JDP2: variants seen among roughly 807,000 people sequenced by gnomAD.
JDP2 encodes the protein progesterone receptor co-activator.
Under a neutral mutation model 17.1 loss-of-function variants are expected in JDP2, and 9 were observed. That is an observed-to-expected ratio of 0.53 (90% CI 0.32 to 0.92). The LOEUF (loss-of-function observed/expected upper bound fraction) is 0.92, where lower values mean the gene tolerates loss of function less well. Among genes scored for constraint, JDP2 ranks in the 40% least tolerant of loss-of-function variants. The probability of loss-of-function intolerance (pLI) is 0.04; values close to 1 mark genes in which losing one functional copy is unlikely to be tolerated. For synonymous variants in JDP2, 107 were observed against 95.6 expected (o/e 1.12, Z -0.69); for missense variants, 179 against 220.0 (o/e 0.81, Z 1.18).
intron 1 of JDP2, among the ~76,000 whole-genome samples, chr14:75,431,392 G>A (rs562249094): frequency 6.6e-5 from 10 of 152,320 alleles, no homozygotes; most frequent in African/African-American, 2.4e-4. Flanking sequence ...AGGGATCACG[G>A]CTGCCAGTGT....
chr14:75,432,364 G>A (rs980853421), intron 1 of JDP2: 2 of 1,550,186 alleles, frequency 1.3e-6, no homozygotes, highest in Admixed American at 3.9e-5. Context: ...CCCTGGCCTG[G>A]CACCTTTCTG....
chr14:75,435,826 C>A (rs1385781733), intron 1 of JDP2, among the ~76,000 whole-genome samples: 1 of 151,996 alleles, frequency 6.6e-6, no homozygotes, highest in African/African-American at 2.4e-5. Flanking sequence ...GCTAAGAGGA[C>A]CGGGTATGGG....
chr14:75,433,596 C>G (rs1884922097), intron 1 of JDP2, among the ~76,000 whole-genome samples: 1 of 150,066 alleles, frequency 6.7e-6, no homozygotes, highest in Non-Finnish European at 1.5e-5. Flanking sequence ...CATCTGGTCC[C>G]CATTTTCTTC....
chr14:75,451,215 C>T (rs929073228), intron 2 of JDP2, among the ~76,000 whole-genome samples: 8 of 151,630 alleles, frequency 5.3e-5, no homozygotes, highest in Admixed American at 1.3e-4. Flanking sequence ...AAGATCCTTC[C>T]GATGGCTGGG....
rs1884681468 is a variant in JDP2 at position 75,429,321 on chromosome 14, G to T, written c.-24+1069G>T. ...TATGGCCCGACCACGTGTGCTCAGGGCAAATGTGCTCAGGTCTATATCTCA... is the reference window on the plus strand; with the variant it reads ...TATGGCCCGACCACGTGTGCTCAGGTCAAATGTGCTCAGGTCTATATCTCA... On this transcript the variant is annotated intron_variant, in intron 1 of 3. Coordinates refer to ENST00000651602, the MANE Select transcript of JDP2 (RefSeq NM_001135048.2). Among the ~76,000 whole-genome samples the T allele has an allele frequency of 2.0e-5, 3 of 152,168 alleles. No homozygotes were observed. In the South Asian group the frequency reaches 6.2e-4, roughly 32 times the overall value.
intron 2 of JDP2, among the ~76,000 whole-genome samples, chr14:75,446,246 G>C (rs976092653): frequency 6.6e-6 from 1 of 152,214 alleles, no homozygotes; most frequent in Non-Finnish European, 1.5e-5. Context: ...CAGTCTGGCA[G>C]TTCCTCAAAT....
intron 1 of JDP2, chr14:75,431,984 A>G (rs1594942844): frequency 2.5e-6 from 1 of 407,938 alleles, no homozygotes; most frequent in East Asian, 4.2e-5. Context: ...AGCTGAGGAA[A>G]GAGAGGCACA....
rs923068764 is a variant in JDP2, at chr14:75,470,083, G to C, written c.*608G>C. On this transcript the variant is annotated 3_prime_UTR_variant, in exon 4 of 4. Transcript: ENST00000651602. ...GAGTTTGCTGTGGGCACTGAGGCGC[G>C]GGCGCCCTTCCAAAGCACATACTCA... 2.0e-5 allele frequency: 3 copies of C among 152,588 alleles called. No individual in the cohort carries two copies. The highest frequency in any genetic ancestry group is 7.2e-5 in the African/African-American group (3 of 41,438). The allele number at this position is 152,588 out of a possible 1,614,324, so 9.5% of individuals were successfully genotyped here.
intron 2 of JDP2, among the ~76,000 whole-genome samples, chr14:75,439,392 TA>T (rs567814595): frequency 6.6e-6 from 1 of 152,172 alleles, no homozygotes; most frequent in African/African-American, 2.4e-5. Flanking sequence ...AAATTTTGAT[TA>T]AAAAATTGTA....
chr14:75,439,204 A>C (rs934013281), intron 2 of JDP2, among the ~76,000 whole-genome samples: 21 of 152,186 alleles, frequency 1.4e-4, no homozygotes, highest in African/African-American at 5.1e-4. Flanking sequence ...ACTATCTCTC[A>C]GCTCCCCTTC....
At chr14:75,455,934 C>G (rs768620919) in intron 2 of JDP2, among the ~76,000 whole-genome samples, 2 of 152,162 alleles carry the variant, frequency 1.3e-5, no homozygotes, top group Admixed American at 1.3e-4. Context: ...AGGGCCCTTC[C>G]GCATCCAGGC....
chr14:75,448,329 T>A (rs1885700319), intron 2 of JDP2, among the ~76,000 whole-genome samples: 1 of 152,126 alleles, frequency 6.6e-6, no homozygotes, highest in South Asian at 2.1e-4. Context: ...ACCCTAAACA[T>A]ACTGAAGCAC....
chr14:75,440,155 A>AGT (rs879638868), intron 2 of JDP2, among the ~76,000 whole-genome samples: 1 of 152,192 alleles, frequency 6.6e-6, no homozygotes, highest in Non-Finnish European at 1.5e-5. Context: ...GCACCCACAG[A>AGT]CGTGCACCAT....
intron 2 of JDP2, among the ~76,000 whole-genome samples, chr14:75,444,684 A>G (rs1298766013): frequency 6.6e-6 from 1 of 152,248 alleles, no homozygotes; most frequent in Non-Finnish European, 1.5e-5. Flanking sequence ...GCGAAGATTA[A>G]GTGAGGTGCT....
chr14:75,437,940 C>T lies in JDP2; in HGVS notation c.20C>T (p.Pro7Leu), dbSNP rs931698226. 1.4e-5 allele frequency: 22 copies of T among 1,611,640 alleles called. No individual in the cohort carries two copies. Among genetic ancestry groups the T allele is most frequent in the Non-Finnish European group, 1.7e-5 (20 of 1,179,250 alleles). Residue 7 changes from proline (P) to leucine (L), a missense_variant, in exon 2 of 4, where the codon CCG becomes CTG. Coordinates refer to ENST00000651602, the MANE Select transcript of JDP2 (RefSeq NM_001135048.2). Reference sequence around the variant, plus strand: ...CCTGCTATGATGCCTGGGCAGATCCCGGACCCTTCGGTGACCACAGGCTCC... The same window carrying T: ...CCTGCTATGATGCCTGGGCAGATCCTGGACCCTTCGGTGACCACAGGCTCC... MMPGQI[P>L]DPSVTTGSLP...
intron 2 of JDP2, chr14:75,445,506 C>T: frequency 2.0e-6 from 2 of 985,438 alleles, no homozygotes; most frequent in South Asian, 9.4e-5. Flanking sequence ...CGAATAAAAA[C>T]CCTTGCCTTT....
At chr14:75,443,909 A>AT (rs11409834) in intron 2 of JDP2, among the ~76,000 whole-genome samples, 78,138 of 149,880 alleles carry the variant, frequency 0.52, 21,360 homozygotes, top group African/African-American at 0.71. Flanking sequence ...GTTGTTATGA[A>AT]TTTTTTTTTT....
intron 2 of JDP2, among the ~76,000 whole-genome samples, chr14:75,459,245 G>A (rs535857902): frequency 1.3e-5 from 2 of 152,332 alleles, no homozygotes; most frequent in African/African-American, 2.4e-5. Context: ...TCTGCCTGTC[G>A]TCACGGTTAC....
rs998225656 is a variant in JDP2, at chr14:75,471,605, A to C, written c.*2130A>C. The C allele has an allele frequency of 5.9e-5, 9 of 152,092 alleles. No homozygotes were observed. The highest frequency in any genetic ancestry group is 1.9e-4 in the African/African-American group (8 of 41,392). The allele number at this position is 152,092 out of a possible 1,614,324, so 9.4% of individuals were successfully genotyped here. On this transcript the variant is annotated 3_prime_UTR_variant, in exon 4 of 4. Coordinates refer to ENST00000651602, the MANE Select transcript of JDP2 (RefSeq NM_001135048.2). ...CCTTCTGGGATGGGCAGAAGTGGAG[A>C]ATGGTGATTAACACACCTGTGATCC...
Sources: gnomAD v4.1 joint callset for allele counts (sites outside exome capture counted in the v4.1 genomes callset) on GRCh38, gnomAD v4.1.1 for gene constraint, MANE v1.5 for transcripts, NCBI Gene and HGNC (gene_info 2026-07-23, HGNC 2026-07-21) for gene names.